Variants in CRYBB1 observed in about 807,000 individuals in gnomAD.
CRYBB1 encodes the protein crystallin beta B1.
In CRYBB1, 16 loss-of-function variants were observed where a neutral mutation model predicts 29.5. The observed-to-expected ratio is 0.54, with a 90% CI of 0.37 to 0.82. The LOEUF (loss-of-function observed/expected upper bound fraction) is 0.82, where lower values mean the gene tolerates loss of function less well. CRYBB1 is among the 40% of genes least tolerant of loss of function. The pLI, the probability that CRYBB1 is intolerant of heterozygous loss-of-function variation, is 0.00. For missense variants in CRYBB1, 300 were observed against 350.5 expected, an observed-to-expected ratio of 0.86 and a Z score of 1.15; for synonymous variants, 127 against 136.7, an observed-to-expected ratio of 0.93 and a Z score of 0.49.
chr22:26,614,507 C>T (rs1929280415), intron 2 of CRYBB1, among the ~76,000 whole-genome samples: 1 of 152,120 alleles, frequency 6.6e-6, no homozygotes, highest in Non-Finnish European at 1.5e-5. Context: ...TTCACGAGAG[C>T]AAAGCTAGCA....
Position 26,608,300 on chromosome 22 carries a change from G to A in CRYBB1, c.300-279C>T, listed in dbSNP as rs374998620. 9.2e-5 allele frequency among the ~76,000 whole-genome samples: 14 copies of A among 152,350 alleles called. No homozygotes were observed. The East Asian group carries it at 1.7e-3, about 19-fold the overall frequency. ...GAAGGATTAAGTGAGATAAATGTGTGTGATTATCTGAGCACACTGTTTCTC... is the reference window on the plus strand; with the variant it reads ...GAAGGATTAAGTGAGATAAATGTGTATGATTATCTGAGCACACTGTTTCTC... On this transcript the variant is annotated intron_variant, in intron 3 of 5. Transcript: ENST00000647684.
At chr22:26,602,245 A>T (rs1928844653) in intron 4 of CRYBB1, among the ~76,000 whole-genome samples, 1 of 152,050 alleles carries the variant, frequency 6.6e-6, no homozygotes, top group South Asian at 2.1e-4. Flanking sequence ...GTGTATCCAT[A>T]TAGAGCACTG....
intron 3 of CRYBB1, among the ~76,000 whole-genome samples, chr22:26,608,416 A>C (rs1929054182): frequency 6.9e-6 from 1 of 145,278 alleles, no homozygotes. Flanking sequence ...AGCTAGGAGA[A>C]AGGCTCGTTT....
At chr22:26,603,022 G>C (rs1356451966) in intron 4 of CRYBB1, among the ~76,000 whole-genome samples, 1 of 151,934 alleles carries the variant, frequency 6.6e-6, no homozygotes, top group Non-Finnish European at 1.5e-5. Flanking sequence ...CTACTTGGGA[G>C]GCTGAGGCAG....
At chr22:26,605,428 C>G (rs1005585896) in intron 4 of CRYBB1, among the ~76,000 whole-genome samples, 3 of 149,000 alleles carry the variant, frequency 2.0e-5, no homozygotes, top group African/African-American at 7.3e-5. Context: ...AATCCCAGCA[C>G]TTTGGGAGGC....
chr22:26,607,996 A>G lies in CRYBB1; in HGVS notation c.325T>C (p.Phe109Leu), dbSNP rs777977625. 7.5e-5 allele frequency: 121 copies of G among 1,614,076 alleles called. No homozygotes were observed. Among genetic ancestry groups the G allele is most frequent in the Non-Finnish European group, 9.1e-5 (107 of 1,180,044 alleles). The part of the protein sequence containing the change: ...GPWVAFEQSN[F>L]RGEMFILEKG... ...TCCAGGATGAACATCTCCCCGCGGA[A>G]GTTGGACTGCTCAAAGGCGACCCAG... Residue 109 changes from phenylalanine (F) to leucine (L), a missense_variant, in exon 4 of 6, where the codon TTC (phenylalanine) becomes CTC (leucine). Transcript: ENST00000647684.
intron 3 of CRYBB1, among the ~76,000 whole-genome samples, chr22:26,611,469 GTTT>G (rs796631077): frequency 7.5e-6 from 1 of 133,316 alleles, no homozygotes; most frequent in Non-Finnish European, 1.6e-5. Context: ...TTTTTTTTTT[GTTT>G]TTTTTTTTTT....
chr22:26,607,019 C>CTT lies in CRYBB1; in HGVS notation c.432+868_432+869dup, dbSNP rs34126720. On this transcript the variant is annotated intron_variant, in intron 4 of 5. Transcript: ENST00000647684. The stretch of plus-strand genomic sequence containing the variant: ...GCTGCGTTTCTACAGTATCCCTCTC[C>CTT]TTTTTTTTTTTTTTTTTTTTTGAGA... Among the ~76,000 whole-genome samples, 426 of 111,942 alleles carry CTT rather than the reference C, an allele frequency of 3.8e-3. 4 individuals are homozygous for CTT. Among genetic ancestry groups the CTT allele is most frequent in the African/African-American group, 4.4e-3 (127 of 28,782 alleles). 73.4% of individuals were successfully genotyped at this position (111,942 alleles called of 152,430 possible). A position where few individuals can be genotyped will look rare whatever the true frequency, so the allele number is the denominator to read the frequency against.
intron 4 of CRYBB1, among the ~76,000 whole-genome samples, chr22:26,602,303 G>T (rs1190405658): frequency 2.0e-5 from 3 of 152,140 alleles, no homozygotes; most frequent in African/African-American, 7.2e-5. Context: ...GCATTTATTG[G>T]CCGGGTGCCA....
chr22:26,607,861 C>A (rs779033552), intron 4 of CRYBB1, 28 bp downstream of exon 4: 3 of 1,614,032 alleles, frequency 1.9e-6, no homozygotes, highest in Non-Finnish European at 2.5e-6. Context: ...CTGGCTGATT[C>A]TCCAGCCCCA....
intron 4 of CRYBB1, 78 bp downstream of exon 4, chr22:26,607,811 G>A (rs985246361): frequency 1.2e-5 from 19 of 1,599,500 alleles, no homozygotes; most frequent in East Asian, 2.2e-5. Flanking sequence ...TCTCCTTCTT[G>A]CCCTTGTCAG....
chr22:26,600,365 G>A (rs1196508698), intron 5 of CRYBB1, among the ~76,000 whole-genome samples: 1 of 151,782 alleles, frequency 6.6e-6, no homozygotes, highest in East Asian at 1.9e-4. Flanking sequence ...TTGCACCACT[G>A]TACTCCAGCC....
chr22:26,601,190 AC>A (rs748218190), intron 5 of CRYBB1, among the ~76,000 whole-genome samples: 3 of 152,158 alleles, frequency 2.0e-5, no homozygotes, highest in Non-Finnish European at 4.4e-5. Flanking sequence ...CCTTACGTTT[AC>A]CTAGAGGAGA....
At chr22:26,600,391 G>A (rs1031035427) in intron 5 of CRYBB1, among the ~76,000 whole-genome samples, 1 of 151,498 alleles carries the variant, frequency 6.6e-6, no homozygotes, top group South Asian at 2.1e-4. Flanking sequence ...GACAGAGCGA[G>A]ACTCCATCTC....
intron 5 of CRYBB1, 85 bp downstream of exon 5, chr22:26,601,789 AATCTG>A: frequency 6.3e-7 from 1 of 1,595,788 alleles, no homozygotes; most frequent in East Asian, 2.2e-5. Context: ...CTTCTCTAGG[AATCTG>A]ATGTTATAAC....
intron 2 of CRYBB1, among the ~76,000 whole-genome samples, chr22:26,613,403 G>C (rs1929241834): frequency 6.6e-6 from 1 of 152,248 alleles, no homozygotes; most frequent in East Asian, 1.9e-4. Context: ...GTTGCGGGAA[G>C]TCAGGGACCC....
chr22:26,607,946 G>C lies in CRYBB1; in HGVS notation c.375C>G (p.Asn125Lys). Residue 125 changes from asparagine to lysine, a missense_variant, in exon 4 of 6, where the codon AAC (asparagine) becomes AAG (lysine). Coordinates refer to ENST00000647684, the MANE Select transcript of CRYBB1 (RefSeq NM_001887.4). ...CACTGCGGTAGCTGCTCGACCATGT[G>C]TTCCAGCGAGGGTACTCGCCCTTCT... ...ILEKGEYPRW[N>K]TWSSSYRSDR... is the part of the protein sequence containing the mutation. 6.2e-7 allele frequency: 1 copy of C among 1,614,202 alleles called. No individual in the cohort carries two copies. The highest frequency in any genetic ancestry group is 8.5e-7 in the Non-Finnish European group (1 of 1,180,036).
chr22:26,607,753 C>G, intron 4 of CRYBB1, 136 bp downstream of exon 4: 8 of 1,159,438 alleles, frequency 6.9e-6, no homozygotes, highest in Non-Finnish European at 1.0e-5. Context: ...CAAGAATCCA[C>G]GGTCCTTTGA....
intron 4 of CRYBB1, among the ~76,000 whole-genome samples, chr22:26,607,586 A>G: frequency 6.8e-6 from 1 of 146,020 alleles, no homozygotes; most frequent in South Asian, 2.3e-4. Flanking sequence ...AAAAGCTCCC[A>G]GTAAGGTCTA....
Sources: gnomAD v4.1 joint callset for allele counts (sites outside exome capture counted in the v4.1 genomes callset) on GRCh38, gnomAD v4.1.1 for gene constraint, MANE v1.5 for transcripts, NCBI Gene and HGNC (gene_info 2026-07-23, HGNC 2026-07-21) for gene names.